Variants in CREBBP observed in about 807,000 individuals in gnomAD.
CREBBP encodes the protein CREB binding lysine acetyltransferase.
CREBBP carries 19 observed loss-of-function variants against 265.0 expected under a neutral mutation model. That is an observed-to-expected ratio of 0.07 (90% CI 0.05 to 0.11). The LOEUF (loss-of-function observed/expected upper bound fraction) is 0.11, where lower values mean the gene tolerates loss of function less well. CREBBP is among the 10% of genes least tolerant of loss of function. The probability of loss-of-function intolerance (pLI) is 1.00; values close to 1 mark genes in which losing one functional copy is unlikely to be tolerated. For synonymous variants in CREBBP, 1,457 were observed against 1,223.7 expected, an observed-to-expected ratio of 1.19 and a Z score of -3.98; for missense variants, 2,525 against 3,219.0, an observed-to-expected ratio of 0.78 and a Z score of 5.22.
chr16:3,776,600 T>A (rs1375735777), intron 11 of CREBBP, among the ~76,000 whole-genome samples: 2 of 152,162 alleles, frequency 1.3e-5, no homozygotes, highest in African/African-American at 4.8e-5. Flanking sequence ...AGTCTAGGAC[T>A]GTCTTGCATG....
At chr16:3,787,202 T>G (rs922409053) in intron 5 of CREBBP, among the ~76,000 whole-genome samples, 4 of 152,154 alleles carry the variant, frequency 2.6e-5, no homozygotes, top group African/African-American at 9.7e-5. Context: ...ATGCACTGCG[T>G]GGGGCACCAC....
intron 21 of CREBBP, among the ~76,000 whole-genome samples, chr16:3,748,404 G>A (rs961242259): frequency 6.6e-6 from 1 of 152,252 alleles, no homozygotes; most frequent in South Asian, 2.1e-4. Flanking sequence ...GGTCATGAGA[G>A]GGGTGGGCGC....
chr16:3,753,595 C>T (rs919394113), intron 19 of CREBBP, among the ~76,000 whole-genome samples: 1 of 151,966 alleles, frequency 6.6e-6, no homozygotes, highest in Admixed American at 6.6e-5. Flanking sequence ...AATATTCTGG[C>T]CATTCACTAT....
In CREBBP at chr16:3,726,290, G is replaced by A. The variant is rs542660820; in HGVS notation, c.*1428C>T. ...GGAAGAAGCGCCGCCTCTGGGGGTG[G>A]CAGCTACGACGGACAGGGAGGATGG... is the stretch of plus-strand genomic sequence containing the variant. On this transcript the variant is annotated 3_prime_UTR_variant, in exon 31 of 31. Transcript: ENST00000262367. The A allele has an allele frequency of 7.5e-4, 174 of 233,314 alleles. No homozygotes were observed. The highest frequency in any genetic ancestry group is 2.8e-3 in the African/African-American group (129 of 45,456). The allele number at this position is 233,314 out of a possible 1,614,324, so 14.5% of individuals were successfully genotyped here.
At chr16:3,778,855 T>C (rs768095521) in intron 8 of CREBBP, 38 bp from the exon 9 acceptor site, 1 of 1,585,852 alleles carries the variant, frequency 6.3e-7, no homozygotes, top group South Asian at 1.1e-5. Context: ...ACTTTTTTTT[T>C]TCTTCTTTTT....
At position 3,850,478 on chromosome 16, in the gene CREBBP, G is replaced by C. The variant is rs759312345; in HGVS notation, c.617C>G (p.Ala206Gly). 1 of 1,614,198 alleles carries C rather than the reference G, an allele frequency of 6.2e-7. No homozygotes were observed. The highest frequency in any genetic ancestry group is 8.5e-7 in the Non-Finnish European group (1 of 1,180,042). ...CCCAAGAGATCCATTCATGACTTGCGCCTGCCCTTGTGAAGCCTGATTAAT... is the reference window on the plus strand; with the variant it reads ...CCCAAGAGATCCATTCATGACTTGCCCCTGCCCTTGTGAAGCCTGATTAAT... ...SLINQASQGQ[A>G]QVMNGSLGAA... The change falls in exon 2 of 31, where the codon GCG (alanine) becomes GGG (glycine). Residue 206 changes from alanine (A) to glycine (G), a missense_variant. This residue lies in a region of CREBBP where 356 missense variants were observed against 340.4 expected (regional missense o/e 1.05). Transcript: ENST00000262367.
chr16:3,817,023 G>A (rs748148170), intron 2 of CREBBP, among the ~76,000 whole-genome samples: 9 of 152,184 alleles, frequency 5.9e-5, no homozygotes, highest in Non-Finnish European at 8.8e-5. Flanking sequence ...TCCAAACAAG[G>A]ATCTCAGCTA....
rs141069312 is a variant in CREBBP, at chr16:3,729,783, C to T, written c.5264G>A (p.Ser1755Asn). The T allele has an allele frequency of 1.4e-5, 22 of 1,605,416 alleles. No individual in the cohort carries two copies. The African/African-American group carries it at 2.1e-4, about 16-fold the overall frequency. ...WGLGLDDEGS[S>N]QGEPQSKSPQ... Reference sequence around the variant, plus strand: ...GCTCTTTGACTGTGGCTCGCCCTGGCTGCTGCCCTCGTCATCCAGGCCCAG... The same window carrying T: ...GCTCTTTGACTGTGGCTCGCCCTGGTTGCTGCCCTCGTCATCCAGGCCCAG... Residue 1755 changes from serine (S) to asparagine (N), a missense_variant, in exon 31 of 31, where the codon AGC (serine) becomes AAC (asparagine). Coordinates refer to ENST00000262367, the MANE Select transcript of CREBBP (RefSeq NM_004380.3).
At chr16:3,778,564 C>T (rs2053198938) in intron 9 of CREBBP, 136 bp downstream of exon 9, 1 of 800,832 alleles carries the variant, frequency 1.2e-6, no homozygotes, top group African/African-American at 1.7e-5. Context: ...GGGAAGTCTC[C>T]TTGGTCAGTG....
intron 16 of CREBBP, among the ~76,000 whole-genome samples, chr16:3,764,955 GGTTT>G (rs2052811839): frequency 6.6e-6 from 1 of 151,524 alleles, no homozygotes; most frequent in Non-Finnish European, 1.5e-5. Context: ...ACATGTGTGT[GGTTT>G]TTTTTTTTGT....
At position 3,772,348 on chromosome 16, in the gene CREBBP, C is replaced by CAT. The variant is rs1268938818; in HGVS notation, c.2464-1363_2464-1362insAT. Among the ~76,000 whole-genome samples the CAT allele has an allele frequency of 2.0e-5, 3 of 151,578 alleles. No homozygotes were observed. In the East Asian group the frequency reaches 5.8e-4, roughly 29 times the overall value. On this transcript the variant is annotated intron_variant, in intron 13 of 30. Transcript: ENST00000262367. The stretch of plus-strand genomic sequence containing the variant: ...ACACAAACACACACACACACACACA[C>CAT]ACACACACACACACACACGTTAGTT...
chr16:3,798,772 G>A (rs1015690594), intron 3 of CREBBP, among the ~76,000 whole-genome samples: 9 of 152,184 alleles, frequency 5.9e-5, no homozygotes, highest in African/African-American at 2.2e-4. Context: ...AAACAGTCTG[G>A]CAATTCCTCA....
chr16:3,826,087 C>T (rs1438797425), intron 2 of CREBBP, among the ~76,000 whole-genome samples: 2 of 152,126 alleles, frequency 1.3e-5, no homozygotes, highest in Non-Finnish European at 2.9e-5. Context: ...GTGGCATGAG[C>T]CTGTAGTCCC....
rs1567300301 is a variant in CREBBP, at chr16:3,771,818, T to TAA, written c.2464-833_2464-832insTT. 1.6e-4 allele frequency among the ~76,000 whole-genome samples: 24 copies of TAA among 147,106 alleles called. No homozygotes were observed. The South Asian group carries it at 3.3e-3, about 20-fold the overall frequency. On this transcript the variant is annotated intron_variant, in intron 13 of 30. Coordinates refer to ENST00000262367, the MANE Select transcript of CREBBP (RefSeq NM_004380.3). ...AATTTAAAACTTTTTTTTTTTTTTT[T>TAA]TAAAAAAAAAAAGACAGAGTCTCGC...
Position 3,793,563 on chromosome 16 carries a change from C to T in CREBBP, c.1039G>A (p.Asp347Asn). The change falls in exon 4 of 31, where the codon GAT becomes AAT. Residue 347 changes from aspartate (D) to asparagine (N), a missense_variant. Coordinates refer to ENST00000262367, the MANE Select transcript of CREBBP (RefSeq NM_004380.3). ...TQAIATGPTA[D>N]PEKRKLIQQQ... Reference sequence around the variant, plus strand: ...TGTATCAGTTTGCGTTTTTCAGGATCTGCAGTGGGGCCTGTTGCAATTGCT... The same window carrying T: ...TGTATCAGTTTGCGTTTTTCAGGATTTGCAGTGGGGCCTGTTGCAATTGCT... The T allele has an allele frequency of 6.2e-7, 1 of 1,614,082 alleles. No homozygotes were observed. The highest frequency in any genetic ancestry group is 8.5e-7 in the Non-Finnish European group (1 of 1,180,046).
intron 1 of CREBBP, among the ~76,000 whole-genome samples, chr16:3,879,282 T>A (rs148364512): frequency 6.6e-6 from 1 of 151,392 alleles, no homozygotes; most frequent in East Asian, 1.9e-4. Context: ...GTTTTGAAAA[T>A]AAGCACTAAG....
intron 3 of CREBBP, among the ~76,000 whole-genome samples, chr16:3,795,359 C>G (rs1412822840): frequency 6.6e-6 from 1 of 152,194 alleles, no homozygotes; most frequent in Non-Finnish European, 1.5e-5. Context: ...GAGTCCACTA[C>G]TAAAGCGTTG....
chr16:3,850,047 A>T (rs2054793567), intron 2 of CREBBP, among the ~76,000 whole-genome samples: 2 of 152,168 alleles, frequency 1.3e-5, no homozygotes, highest in African/African-American at 4.8e-5. Context: ...TCACGGACAC[A>T]TTAGGCCCTG....
intron 10 of CREBBP, 40 bp downstream of exon 10, chr16:3,777,971 A>C (rs768451698): frequency 1.2e-6 from 2 of 1,607,316 alleles, no homozygotes; most frequent in Non-Finnish European, 8.5e-7. Context: ...AAAACCAAGG[A>C]AACAGGCTAA....
Sources: allele counts gnomAD v4.1 joint callset (sites outside exome capture counted in the v4.1 genomes callset), GRCh38; gene constraint gnomAD v4.1.1; regional missense constraint gnomAD v4.1.1; transcripts MANE v1.5; gene names NCBI Gene and HGNC (gene_info 2026-07-23, HGNC 2026-07-21).